Variants in GRID2 observed in about 807,000 individuals in gnomAD.
GRID2 encodes the protein glutamate ionotropic receptor delta type subunit 2.
In GRID2, 33 loss-of-function variants were observed where a neutral mutation model predicts 114.8. That is an observed-to-expected ratio of 0.29 (90% CI 0.22 to 0.38). The LOEUF (loss-of-function observed/expected upper bound fraction) is 0.38, where lower values mean the gene tolerates loss of function less well. Ranked by LOEUF, GRID2 falls within the 10% of genes least tolerant of loss-of-function variation. The pLI, the probability that GRID2 is intolerant of heterozygous loss-of-function variation, is 1.00. For missense variants in GRID2, 1,184 were observed against 1,257.7 expected (o/e 0.94, Z 0.89); for synonymous variants, 505 against 449.9 (o/e 1.12, Z -1.55).
chr4:92,312,225 AG>A (rs1725744486), intron 1 of GRID2, among the ~76,000 whole-genome samples: 2 of 152,100 alleles, frequency 1.3e-5, no homozygotes, highest in Non-Finnish European at 2.9e-5. Context: ...GCACTGAGGA[AG>A]ATTCTGTAGG....
chr4:93,364,435 A>G (rs1036754520), intron 8 of GRID2, among the ~76,000 whole-genome samples: 1 of 151,990 alleles, frequency 6.6e-6, no homozygotes, highest in Non-Finnish European at 1.5e-5. Flanking sequence ...ATCTATTTTC[A>G]TTGACCTATT....
chr4:92,500,095 G>A (rs144189422), intron 1 of GRID2, among the ~76,000 whole-genome samples: 183 of 152,070 alleles, frequency 1.2e-3, no homozygotes, highest in Non-Finnish European at 2.2e-3. Context: ...CTAATTCATC[G>A]GTCTTGAAGT....
intron 2 of GRID2, among the ~76,000 whole-genome samples, chr4:92,622,957 C>G (rs950409250): frequency 6.6e-6 from 1 of 151,644 alleles, no homozygotes; most frequent in Non-Finnish European, 1.5e-5. Context: ...TAGGCTGAAG[C>G]TGAAGCTTCT....
chr4:92,760,962 C>A (rs1294467709), intron 2 of GRID2, among the ~76,000 whole-genome samples: 1 of 152,044 alleles, frequency 6.6e-6, no homozygotes. Flanking sequence ...TAAGTACTCA[C>A]CCTGCTAGTC....
chr4:93,292,642 A>G (rs545406193), intron 8 of GRID2, among the ~76,000 whole-genome samples: 2 of 152,332 alleles, frequency 1.3e-5, no homozygotes, highest in South Asian at 2.1e-4. Flanking sequence ...CAAACTGTAC[A>G]TAGTGAGAGG....
chr4:92,608,582 C>T (rs1729572146), intron 2 of GRID2, among the ~76,000 whole-genome samples: 1 of 151,816 alleles, frequency 6.6e-6, no homozygotes, highest in Non-Finnish European at 1.5e-5. Flanking sequence ...TTTTACTACA[C>T]ATTTGGCATT....
rs1321119008 is a variant in GRID2 at position 92,662,211 on chromosome 4, T to C, written c.244+71925T>C. Among the ~76,000 whole-genome samples, 10 of 151,000 alleles carry C rather than the reference T, an allele frequency of 6.6e-5. 1 individual carries two copies. The highest frequency in any genetic ancestry group is 2.4e-4 in the African/African-American group (10 of 41,332). On this transcript the variant is annotated intron_variant, in intron 2 of 15. Transcript: ENST00000282020. The stretch of plus-strand genomic sequence containing the variant: ...GAACTATTACAACCAATTTTGTTGT[T>C]ACATATTTTCAAAGGAAACTTCTAC...
At chr4:92,451,759 TA>T in intron 1 of GRID2, among the ~76,000 whole-genome samples, 1 of 152,286 alleles carries the variant, frequency 6.6e-6, no homozygotes, top group East Asian at 1.9e-4. Flanking sequence ...CATTGAGCAA[TA>T]ATTCAGGAAA....
rs367973039 is a variant in GRID2 at position 92,679,109 on chromosome 4, T to C, written c.244+88823T>C. On this transcript the variant is annotated intron_variant, in intron 2 of 15. Transcript: ENST00000282020. ...ATTCCTAAACATCTATTTTCAGAAC[T>C]CTTCTCTGTTAAACCATGGAAGGAT... Among the ~76,000 whole-genome samples, 18 of 152,164 alleles carry C rather than the reference T, an allele frequency of 1.2e-4. No homozygotes were observed. In the East Asian group the frequency reaches 2.5e-3, roughly 21 times the overall value.
intron 14 of GRID2, among the ~76,000 whole-genome samples, chr4:93,756,832 A>T (rs540349879): frequency 5.2e-4 from 79 of 152,368 alleles, no homozygotes; most frequent in Non-Finnish European, 9.7e-4. Flanking sequence ...AAGGAAAGTC[A>T]CAATGCTTGT....
chr4:93,753,088 T>C (rs1292388551), intron 14 of GRID2, among the ~76,000 whole-genome samples: 1 of 152,212 alleles, frequency 6.6e-6, no homozygotes, highest in Non-Finnish European at 1.5e-5. Context: ...CATCAGATTG[T>C]TAGATATGAT....
At chr4:93,352,303 A>G (rs1371619126) in intron 8 of GRID2, among the ~76,000 whole-genome samples, 1 of 152,036 alleles carries the variant, frequency 6.6e-6, no homozygotes, top group Non-Finnish European at 1.5e-5. Flanking sequence ...GAACTCTAAA[A>G]TAGTATTATC....
chr4:92,518,838 C>G (rs1378487056), intron 1 of GRID2, among the ~76,000 whole-genome samples: 1 of 151,842 alleles, frequency 6.6e-6, no homozygotes, highest in African/African-American at 2.4e-5. Flanking sequence ...AATAGACAAG[C>G]TGTACCATTC....
chr4:92,756,698 T>A (rs535041019), intron 2 of GRID2, among the ~76,000 whole-genome samples: 5 of 152,260 alleles, frequency 3.3e-5, no homozygotes, highest in South Asian at 4.1e-4. Flanking sequence ...GATTTTCATT[T>A]CCCTGACTCT....
chr4:93,342,186 C>A (rs1250949008), intron 8 of GRID2, among the ~76,000 whole-genome samples: 1 of 152,192 alleles, frequency 6.6e-6, no homozygotes, highest in Non-Finnish European at 1.5e-5. Flanking sequence ...ACCTGTAAGT[C>A]CATGTAAGTC....
chr4:92,317,544 T>A (rs566741513), intron 1 of GRID2, among the ~76,000 whole-genome samples: 4 of 152,306 alleles, frequency 2.6e-5, no homozygotes, highest in Non-Finnish European at 4.4e-5. Context: ...TTTCTTTTTA[T>A]TTTTCCTGTC....
intron 2 of GRID2, among the ~76,000 whole-genome samples, chr4:92,771,591 G>A (rs1738549684): frequency 6.6e-6 from 1 of 152,156 alleles, no homozygotes; most frequent in African/African-American, 2.4e-5. Flanking sequence ...GGTCTAAGAT[G>A]TTGTTTGTCT....
chr4:93,036,235 T>G (rs2149263134), intron 2 of GRID2, among the ~76,000 whole-genome samples: 1 of 152,238 alleles, frequency 6.6e-6, no homozygotes, highest in East Asian at 1.9e-4. Flanking sequence ...GAAAAAAATC[T>G]ATATCCCTTA....
At chr4:92,479,682 T>G (rs974521032) in intron 1 of GRID2, among the ~76,000 whole-genome samples, 4 of 152,168 alleles carry the variant, frequency 2.6e-5, no homozygotes, top group African/African-American at 9.6e-5. Context: ...TTCAGACCTT[T>G]CAATTTTATT....
Sources: allele counts gnomAD v4.1 joint callset (sites outside exome capture counted in the v4.1 genomes callset), GRCh38; gene constraint gnomAD v4.1.1; transcripts MANE v1.5; gene names NCBI Gene and HGNC (gene_info 2026-07-23, HGNC 2026-07-21).